The following H6PD variants were observed in gnomAD, a reference collection of about 807,000 sequenced individuals.
H6PD encodes the protein hexose-6-phosphate dehydrogenase/glucose 1-dehydrogenase.
A neutral mutation model predicts 61.2 loss-of-function variants in H6PD; 48 were observed. The ratio of observed to expected loss-of-function variants is 0.78; its 90% CI spans 0.62 to 1.00. The LOEUF is 1.00. Among genes scored for constraint, H6PD ranks in the 50% least tolerant of loss-of-function variants. The probability of loss-of-function intolerance (pLI) is 0.00; values close to 1 mark genes in which losing one functional copy is unlikely to be tolerated. For missense variants in H6PD, 1,093 were observed against 1,065.0 expected, an observed-to-expected ratio of 1.03 and a Z score of -0.37; for synonymous variants, 480 against 457.9, an observed-to-expected ratio of 1.05 and a Z score of -0.62.
At chr1:9,240,106 T>C (rs1300570195) in intron 1 of H6PD, 2 of 757,380 alleles carry the variant, frequency 2.6e-6, no homozygotes, top group Non-Finnish European at 3.6e-6. Flanking sequence ...TTCACGTGCC[T>C]GCAGTCCGCC....
intron 3 of H6PD, among the ~76,000 whole-genome samples, chr1:9,260,231 C>T (rs571242977): frequency 3.4e-5 from 5 of 148,346 alleles, no homozygotes; most frequent in East Asian, 2.0e-4. Flanking sequence ...GCTGTTGTTA[C>T]GCCAGTGTTA....
Position 9,254,166 on chromosome 1 carries a change from G to T in H6PD, c.745+7083G>T, listed in dbSNP as rs1337364336. ...AGGTCAGGCGTTCAAGACCAGCCTG[G>T]TCAAATGGTGAAACCCCATCTCCAC... is the stretch of plus-strand genomic sequence containing the variant. On this transcript the variant is annotated intron_variant, in intron 3 of 4. Coordinates refer to ENST00000377403, the MANE Select transcript of H6PD (RefSeq NM_004285.4). This position sits in a 1 kb window ranked among gnomAD's most constrained non-coding sequence, Gnocchi z 4.6. 6.6e-6 allele frequency among the ~76,000 whole-genome samples: 1 copy of T among 152,094 alleles called. No homozygotes were observed. Among genetic ancestry groups the T allele is most frequent in the African/African-American group, 2.4e-5 (1 of 41,392 alleles).
intron 3 of H6PD, among the ~76,000 whole-genome samples, chr1:9,255,473 G>T (rs1319713984): frequency 3.3e-5 from 5 of 151,882 alleles, no homozygotes; most frequent in Non-Finnish European, 7.4e-5. Flanking sequence ...GTAGAGATGG[G>T]GTTTTGCCAT....
intron 1 of H6PD, among the ~76,000 whole-genome samples, chr1:9,241,832 G>C (rs993110968): frequency 6.6e-6 from 1 of 152,168 alleles, no homozygotes; most frequent in Non-Finnish European, 1.5e-5. Flanking sequence ...AGGCTTTGTG[G>C]CTTGACAGTT....
chr1:9,241,376 A>AT (rs1640992000), intron 1 of H6PD, among the ~76,000 whole-genome samples: 1 of 150,074 alleles, frequency 6.7e-6, no homozygotes, highest in South Asian at 2.1e-4. Flanking sequence ...CATCTCCCTG[A>AT]TTTAATTAGC....
chr1:9,264,413 G>A lies in H6PD; in HGVS notation c.1920G>A (p.Leu640=), dbSNP rs758465845. The A allele has an allele frequency of 1.9e-6, 3 of 1,612,968 alleles. No homozygotes were observed. The highest frequency in any genetic ancestry group is 1.7e-5 in the Admixed American group (1 of 60,030). The change falls in exon 5 of 5, where the codon CTG becomes CTA. Residue 640 remains leucine, a synonymous_variant. Coordinates refer to ENST00000377403, the MANE Select transcript of H6PD (RefSeq NM_004285.4). ...ACTTCCAGGGCCTGCAGGCCCACCT[G>A]CTGCAGCACGTCCGGATCCCCTACT... The part of the protein sequence containing the change: ...ESNFQGLQAH[L]LQHVRIPYYN...
Position 9,271,055 on chromosome 1 carries a change from C to T in H6PD, c.*6186C>T, listed in dbSNP as rs1416376795. On this transcript the variant is annotated 3_prime_UTR_variant, in exon 5 of 5. Coordinates refer to ENST00000377403, the MANE Select transcript of H6PD (RefSeq NM_004285.4). ...CTCCCAGGTTCAAGTGATTCTCCTA[C>T]CTCAGCCTCCCGAGTAGCTGGGATT... The T allele has an allele frequency of 1.3e-5, 2 of 151,120 alleles. No individual in the cohort carries two copies. Among genetic ancestry groups the T allele is most frequent in the African/African-American group, 4.9e-5 (2 of 40,776 alleles). The allele number at this position is 151,120 out of a possible 1,614,324, so 9.4% of individuals were successfully genotyped here.
chr1:9,236,642 C>G (rs1371263059), intron 1 of H6PD, among the ~76,000 whole-genome samples: 2 of 149,028 alleles, frequency 1.3e-5, no homozygotes, highest in Non-Finnish European at 3.0e-5. Flanking sequence ...GCACTCCAGC[C>G]TGGGTGACAA....
At chr1:9,252,015 G>T (rs763254019) in intron 3 of H6PD, among the ~76,000 whole-genome samples, 1 of 151,860 alleles carries the variant, frequency 6.6e-6, no homozygotes, top group Non-Finnish European at 1.5e-5. Flanking sequence ...TGATAGCCCC[G>T]GCACCTCTCT....
At chr1:9,242,736 G>C in intron 1 of H6PD, 2 of 985,470 alleles carry the variant, frequency 2.0e-6, no homozygotes, top group Non-Finnish European at 2.4e-6. Flanking sequence ...GGCACGTCCA[G>C]AGCCCTGGCT....
intron 1 of H6PD, among the ~76,000 whole-genome samples, chr1:9,240,637 T>G (rs573917088): frequency 7.7e-4 from 117 of 152,338 alleles, no homozygotes; most frequent in Admixed American, 2.1e-3. Context: ...CCCTTACAGC[T>G]GCTCAAACTT....
At chr1:9,243,298 T>C (rs1478556018) in intron 1 of H6PD, among the ~76,000 whole-genome samples, 2 of 152,192 alleles carry the variant, frequency 1.3e-5, no homozygotes, top group African/African-American at 4.8e-5. Flanking sequence ...GTGGGGACTT[T>C]TGTAAGTTAT....
rs76124332 is a variant in H6PD, at chr1:9,269,046, T to TA, written c.*4189dup. 1.4e-3 allele frequency: 199 copies of TA among 140,878 alleles called. 2 individuals carry two copies. In the East Asian group the frequency reaches 0.02, roughly 14 times the overall value. The allele number at this position is 140,878 out of a possible 1,614,324, so 8.7% of individuals were successfully genotyped here. On this transcript the variant is annotated 3_prime_UTR_variant, in exon 5 of 5. Coordinates refer to ENST00000377403, the MANE Select transcript of H6PD (RefSeq NM_004285.4). This position sits in a 1 kb window ranked among gnomAD's most constrained non-coding sequence, Gnocchi z 4.3. Reference sequence around the variant, plus strand: ...TCCCTTAGAACTTACTCCACTGATTTAAAAAAAAAAAACTGCCTGGCAGCA... The same window carrying TA: ...TCCCTTAGAACTTACTCCACTGATTTAAAAAAAAAAAAACTGCCTGGCAGCA...
At position 9,254,127 on chromosome 1, in the gene H6PD, G is replaced by T. The variant is rs1368097852; in HGVS notation, c.745+7044G>T. Among the ~76,000 whole-genome samples the T allele has an allele frequency of 6.6e-6, 1 of 152,142 alleles. No homozygotes were observed. The highest frequency in any genetic ancestry group is 1.5e-5 in the Non-Finnish European group (1 of 68,032). ...TCCCAGCACTTTGGGAGGCCGAGAC[G>T]GGTGGATCACTTGAGGTCAGGCGTT... is the stretch of plus-strand genomic sequence containing the variant. On this transcript the variant is annotated intron_variant, in intron 3 of 4. Transcript: ENST00000377403. This position sits in a 1 kb window ranked among gnomAD's most constrained non-coding sequence, Gnocchi z 4.6.
At chr1:9,249,338 G>A (rs1011848106) in intron 3 of H6PD, among the ~76,000 whole-genome samples, 3 of 152,220 alleles carry the variant, frequency 2.0e-5, no homozygotes, top group African/African-American at 7.2e-5. Context: ...TTTGGATTTT[G>A]AAGAAAGAAA....
intron 3 of H6PD, among the ~76,000 whole-genome samples, chr1:9,257,422 C>T (rs564678685): frequency 6.6e-6 from 1 of 152,304 alleles, no homozygotes; most frequent in Admixed American, 6.5e-5. Context: ...CCAGCATGAG[C>T]CAGTCCGCCT....
intron 3 of H6PD, among the ~76,000 whole-genome samples, chr1:9,251,322 T>TGA (rs1057485693): frequency 1.3e-5 from 2 of 152,186 alleles, no homozygotes; most frequent in Non-Finnish European, 2.9e-5. Context: ...CTCTAACCAC[T>TGA]GAGCTCCACA....
chr1:9,250,961 C>T (rs1178099988), intron 3 of H6PD, among the ~76,000 whole-genome samples: 2 of 152,108 alleles, frequency 1.3e-5, no homozygotes, highest in Admixed American at 6.6e-5. Context: ...CTGCACAGGC[C>T]GGAGGGGGTG....
Position 9,264,123 on chromosome 1 carries a change from C to T in H6PD, c.1630C>T (p.Gln544Ter). The change falls in exon 5 of 5, where the codon CAG (glutamine) becomes TAG (stop). Residue 544 changes from glutamine to a stop codon, truncating the protein, a stop_gained. Coordinates refer to ENST00000377403, the MANE Select transcript of H6PD (RefSeq NM_004285.4). LOFTEE classifies it high-confidence loss of function. ...GCCGGCCCCAATGCCCAGTGACTTCCAGGTCCTCAGGGCCAAGTACCGAGA... is the reference window on the plus strand; with the variant it reads ...GCCGGCCCCAATGCCCAGTGACTTCTAGGTCCTCAGGGCCAAGTACCGAGA... ...PGPAPMPSDF[Q>*]VLRAKYRESP... 2 of 1,613,880 alleles carry T rather than the reference C, an allele frequency of 1.2e-6. No homozygotes were observed. Among genetic ancestry groups the T allele is most frequent in the South Asian group, 1.1e-5 (1 of 91,086 alleles).
Sources: allele counts gnomAD v4.1 joint callset (sites outside exome capture counted in the v4.1 genomes callset), GRCh38; gene constraint gnomAD v4.1.1; non-coding constraint Gnocchi (gnomAD v3.1); transcripts MANE v1.5; gene names NCBI Gene and HGNC (gene_info 2026-07-23, HGNC 2026-07-21).